GPR183: variants seen among roughly 807,000 people sequenced by gnomAD.
GPR183 encodes the protein G protein-coupled receptor 183, also known as EBV-induced G-protein coupled receptor 2.
A neutral mutation model predicts 19.7 loss-of-function variants in GPR183; 9 were observed. The ratio of observed to expected loss-of-function variants is 0.46; its 90% CI spans 0.28 to 0.80. GPR183 has a LOEUF of 0.80. GPR183 is among the 30% of genes least tolerant of loss of function. The probability of loss-of-function intolerance (pLI) is 0.13; values close to 1 mark genes in which losing one functional copy is unlikely to be tolerated. For missense variants in GPR183, 368 were observed against 446.7 expected (o/e 0.82, Z 1.59); for synonymous variants, 160 against 155.1 (o/e 1.03, Z -0.24).
intron 1 of GPR183, among the ~76,000 whole-genome samples, chr13:99,297,688 A>G (rs2044196461): frequency 6.6e-6 from 1 of 152,130 alleles, no homozygotes; most frequent in Non-Finnish European, 1.5e-5. Flanking sequence ...AAAAGAGACA[A>G]TGGGAAAAAA....
At position 99,294,766 on chromosome 13, in the gene GPR183, A is replaced by C. The variant is rs926176474; in HGVS notation, c.*294T>G. 4.8e-5 allele frequency: 11 copies of C among 226,974 alleles called. No individual in the cohort carries two copies. Among genetic ancestry groups the C allele is most frequent in the African/African-American group, 2.3e-4 (10 of 43,568 alleles). The allele number at this position is 226,974 out of a possible 1,614,324, so 14.1% of individuals were successfully genotyped here. A position where few individuals can be genotyped will look rare whatever the true frequency, so the allele number is the denominator to read the frequency against. Reference sequence around the variant, plus strand: ...ATTTGTTGGCAAGAAATAATAATTAAATTTTTTATTAAAACAAAACTTTTT... The same window carrying C: ...ATTTGTTGGCAAGAAATAATAATTACATTTTTTATTAAAACAAAACTTTTT... On this transcript the variant is annotated 3_prime_UTR_variant, in exon 2 of 2. Transcript: ENST00000376414.
chr13:99,302,045 G>A (rs2044264582), intron 1 of GPR183, among the ~76,000 whole-genome samples: 1 of 152,204 alleles, frequency 6.6e-6, no homozygotes, highest in Non-Finnish European at 1.5e-5. Flanking sequence ...TGACTTCTCT[G>A]TAGGTCAAGT....
intron 1 of GPR183, among the ~76,000 whole-genome samples, chr13:99,298,976 T>C (rs928522496): frequency 3.9e-5 from 6 of 152,234 alleles, no homozygotes; most frequent in African/African-American, 1.2e-4. Context: ...TATTTTTGAG[T>C]ATTTCTAAGC....
intron 1 of GPR183, among the ~76,000 whole-genome samples, chr13:99,303,616 G>A (rs2044288148): frequency 1.3e-5 from 2 of 152,200 alleles, no homozygotes; most frequent in South Asian, 4.1e-4. Flanking sequence ...GATGCAGCAT[G>A]TGGGAAAACT....
At position 99,295,847 on chromosome 13, in the gene GPR183, C is replaced by T. The variant is rs1216670913; in HGVS notation, c.299G>A (p.Gly100Glu). 6.2e-7 allele frequency: 1 copy of T among 1,605,694 alleles called. No individual in the cohort carries two copies. Among genetic ancestry groups the T allele is most frequent in the Non-Finnish European group, 8.5e-7 (1 of 1,174,564 alleles). Reference protein sequence around the residue: ...YYAMGFDWRIGDALCRITALV... With the variant: ...YYAMGFDWRIEDALCRITALV... ...CGCAGTTATCCTACACAAGGCATCTCCGATTCTCCAGTCAAAGCCCATTGC... is the reference window on the plus strand; with the variant it reads ...CGCAGTTATCCTACACAAGGCATCTTCGATTCTCCAGTCAAAGCCCATTGC... The change falls in exon 2 of 2, where the codon GGA becomes GAA. Residue 100 changes from glycine to glutamate, a missense_variant. Gly to Glu is a moderately conservative substitution (Grantham distance 98, BLOSUM62 -2). Coordinates refer to ENST00000376414, the MANE Select transcript of GPR183 (RefSeq NM_004951.5). The surrounding 1 kb of genome is among the most constrained non-coding windows in gnomAD (Gnocchi z 4.1).
intron 1 of GPR183, among the ~76,000 whole-genome samples, chr13:99,304,958 G>T (rs1007685650): frequency 1.3e-5 from 2 of 152,202 alleles, no homozygotes; most frequent in African/African-American, 4.8e-5. Context: ...TAGGAGAACT[G>T]GGGGAAGGGA....
intron 1 of GPR183, among the ~76,000 whole-genome samples, chr13:99,304,231 A>G (rs1409497219): frequency 6.6e-6 from 1 of 151,474 alleles, no homozygotes; most frequent in African/African-American, 2.4e-5. Flanking sequence ...TTCCCTCACA[A>G]CTCTGTGCCC....
At chr13:99,300,188 CATT>C (rs1400758098) in intron 1 of GPR183, among the ~76,000 whole-genome samples, 1 of 152,236 alleles carries the variant, frequency 6.6e-6, no homozygotes, top group African/African-American at 2.4e-5. Context: ...GGCCACACAT[CATT>C]GAGCTCCAAG....
At chr13:99,299,491 T>C (rs2044226166) in intron 1 of GPR183, among the ~76,000 whole-genome samples, 1 of 152,170 alleles carries the variant, frequency 6.6e-6, no homozygotes, top group South Asian at 2.1e-4. Flanking sequence ...GATGTCTGTA[T>C]GCCAAAACAT....
At chr13:99,297,704 G>A (rs766123220) in intron 1 of GPR183, among the ~76,000 whole-genome samples, 11 of 151,846 alleles carry the variant, frequency 7.2e-5, no homozygotes, top group Non-Finnish European at 8.8e-5. Context: ...AAAAAACAAA[G>A]AATGAGGATG....
chr13:99,301,720 T>A (rs972708091), intron 1 of GPR183, among the ~76,000 whole-genome samples: 2 of 152,210 alleles, frequency 1.3e-5, no homozygotes, highest in Non-Finnish European at 2.9e-5. Flanking sequence ...CTTGGAGGGA[T>A]TTGTGATTTT....
At chr13:99,305,936 C>T (rs1334576077) in intron 1 of GPR183, among the ~76,000 whole-genome samples, 1 of 152,098 alleles carries the variant, frequency 6.6e-6, no homozygotes, top group Admixed American at 6.6e-5. Flanking sequence ...CGCATGGTCG[C>T]CCAGGCTAGA....
chr13:99,299,820 C>T (rs566153614), intron 1 of GPR183, among the ~76,000 whole-genome samples: 37 of 152,244 alleles, frequency 2.4e-4, no homozygotes, highest in Non-Finnish European at 4.1e-4. Context: ...TTATCTACTT[C>T]GCAGGTGATA....
Position 99,295,864 on chromosome 13 carries a change from G to A in GPR183, c.282C>T (p.Gly94=). 1 of 1,607,476 alleles carries A rather than the reference G, an allele frequency of 6.2e-7. No homozygotes were observed. The change falls in exon 2 of 2, where the codon GGC becomes GGT. Residue 94 remains glycine, a synonymous_variant. Coordinates refer to ENST00000376414, the MANE Select transcript of GPR183 (RefSeq NM_004951.5). The surrounding 1 kb of genome is among the most constrained non-coding windows in gnomAD (Gnocchi z 4.1). ...AGGCATCTCCGATTCTCCAGTCAAAGCCCATTGCATAGTAGGCTATTCGTG... is the reference window on the plus strand; with the variant it reads ...AGGCATCTCCGATTCTCCAGTCAAAACCCATTGCATAGTAGGCTATTCGTG... ...LPTRIAYYAM[G]FDWRIGDALC...
At chr13:99,305,935 G>A (rs1037695436) in intron 1 of GPR183, among the ~76,000 whole-genome samples, 9 of 151,966 alleles carry the variant, frequency 5.9e-5, no homozygotes, top group Non-Finnish European at 1.2e-4. Context: ...TCGCATGGTC[G>A]CCCAGGCTAG....
Position 99,295,413 on chromosome 13 carries a change from T to G in GPR183, c.733A>C (p.Thr245Pro). Residue 245 changes from threonine (T) to proline (P), a missense_variant, in exon 2 of 2, where the codon ACA becomes CCA. Physicochemically the swap from Thr to Pro is conservative, Grantham distance 38. Coordinates refer to ENST00000376414, the MANE Select transcript of GPR183 (RefSeq NM_004951.5). The surrounding 1 kb of genome is among the most constrained non-coding windows in gnomAD (Gnocchi z 4.1). ...KSGVNKKALN[T>P]IILIIVVFVL... ...AACACAACAATAATAAGAATAATTGTGTTGAGAGCCTTTTTGTTTACACCA... is the reference window on the plus strand; with the variant it reads ...AACACAACAATAATAAGAATAATTGGGTTGAGAGCCTTTTTGTTTACACCA... The G allele has an allele frequency of 6.2e-7, 1 of 1,614,134 alleles. No homozygotes were observed. The highest frequency in any genetic ancestry group is 1.1e-5 in the South Asian group (1 of 91,084).
rs1448435639 is a variant in GPR183, at chr13:99,307,335, C to CT, written c.-19+4dup. ...TGTTGAAAAAGCAAAAGATCTTGTA[C>CT]TTACATATCAGTGACTCGTTCGGGT... is the stretch of plus-strand genomic sequence containing the variant. On this transcript the variant is annotated splice_donor_region_variant and intron_variant, in intron 1 of 1. Transcript: ENST00000376414. 1 of 152,136 alleles carries CT rather than the reference C, an allele frequency of 6.6e-6. No homozygotes were observed. Among genetic ancestry groups the CT allele is most frequent in the Non-Finnish European group, 1.5e-5 (1 of 68,026 alleles). 9.4% of individuals were successfully genotyped at this position (152,136 alleles called of 1,614,324 possible).
At chr13:99,299,881 G>C (rs767147360) in intron 1 of GPR183, among the ~76,000 whole-genome samples, 5 of 152,266 alleles carry the variant, frequency 3.3e-5, no homozygotes, top group African/African-American at 1.2e-4. Flanking sequence ...AAAAATTGGA[G>C]TGGTTCTTAA....
In GPR183 at chr13:99,295,027, T is replaced by A; in HGVS notation, c.*33A>T. The A allele has an allele frequency of 6.3e-7, 1 of 1,589,640 alleles. No individual in the cohort carries two copies. Among genetic ancestry groups the A allele is most frequent in the South Asian group, 1.2e-5 (1 of 86,874 alleles). ...AAGTCCTGCAAAGTTTGTCATACAGTTTACGTCACTATAAACCAAAATACA... is the reference window on the plus strand; with the variant it reads ...AAGTCCTGCAAAGTTTGTCATACAGATTACGTCACTATAAACCAAAATACA... On this transcript the variant is annotated 3_prime_UTR_variant, in exon 2 of 2. Transcript: ENST00000376414. The surrounding 1 kb of genome is among the most constrained non-coding windows in gnomAD (Gnocchi z 4.1).
Sources: gnomAD v4.1 joint callset for allele counts (sites outside exome capture counted in the v4.1 genomes callset) on GRCh38, gnomAD v4.1.1 for gene constraint, Gnocchi (gnomAD v3.1) non-coding constraint, MANE v1.5 for transcripts, NCBI Gene and HGNC (gene_info 2026-07-23, HGNC 2026-07-21) for gene names.